RARB: variants seen among roughly 807,000 people sequenced by gnomAD.
RARB encodes the protein HBV-activated protein.
A neutral mutation model predicts 51.9 loss-of-function variants in RARB; 17 were observed. The ratio of observed to expected loss-of-function variants is 0.33; its 90% CI spans 0.22 to 0.49. RARB has a LOEUF of 0.49. RARB is among the 20% of genes least tolerant of loss of function. The probability of loss-of-function intolerance (pLI) is 0.99; values close to 1 mark genes in which losing one functional copy is unlikely to be tolerated. For synonymous variants in RARB, 215 were observed against 195.4 expected, an observed-to-expected ratio of 1.10 and a Z score of -0.84; for missense variants, 369 against 550.8, an observed-to-expected ratio of 0.67 and a Z score of 3.30.
chr3:25,489,138 G>A (rs1696605076), intron 2 of RARB, among the ~76,000 whole-genome samples: 1 of 152,186 alleles, frequency 6.6e-6, no homozygotes, highest in Admixed American at 6.5e-5. Flanking sequence ...GTGCTTAGGT[G>A]GAAGCTATAA....
chr3:24,950,016 C>G (rs896379594), intron 2 of RARB, among the ~76,000 whole-genome samples: 2 of 152,168 alleles, frequency 1.3e-5, no homozygotes, highest in Non-Finnish European at 2.9e-5. Context: ...CAATGTGTAA[C>G]AAAAATATTG....
At chr3:25,268,976 T>C (rs1322198301) in intron 5 of RARB, among the ~76,000 whole-genome samples, 1 of 152,202 alleles carries the variant, frequency 6.6e-6, no homozygotes, top group Non-Finnish European at 1.5e-5. Flanking sequence ...TAGCACATGA[T>C]ATGCACTCAA....
chr3:24,910,033 A>C (rs545323022), intron 2 of RARB, among the ~76,000 whole-genome samples: 1 of 152,172 alleles, frequency 6.6e-6, no homozygotes, highest in Non-Finnish European at 1.5e-5. Context: ...GCTCCTACAT[A>C]CTAGGTATGT....
intron 5 of RARB, among the ~76,000 whole-genome samples, chr3:25,410,823 C>G (rs1265413130): frequency 2.0e-5 from 3 of 152,222 alleles, no homozygotes. Context: ...AGGGCCTCTC[C>G]CCTCCTTCCC....
At chr3:25,563,790 T>A (rs1430006218) in intron 3 of RARB, among the ~76,000 whole-genome samples, 1 of 152,220 alleles carries the variant, frequency 6.6e-6, no homozygotes, top group Non-Finnish European at 1.5e-5. Flanking sequence ...TCACCAACTG[T>A]AACTCATTAT....
At chr3:25,249,330 T>G (rs1173596987) in intron 5 of RARB, among the ~76,000 whole-genome samples, 2 of 152,256 alleles carry the variant, frequency 1.3e-5, no homozygotes, top group South Asian at 4.1e-4. Context: ...CTTATATCCT[T>G]GATTATTTTT....
chr3:25,443,327 C>T (rs1489093438), intron 1 of RARB, among the ~76,000 whole-genome samples: 1 of 152,092 alleles, frequency 6.6e-6, no homozygotes, highest in African/African-American at 2.4e-5. Context: ...CCCTGGGCTA[C>T]TGGCACTTAC....
At chr3:24,993,763 C>G (rs1696963999) in intron 2 of RARB, among the ~76,000 whole-genome samples, 1 of 152,088 alleles carries the variant, frequency 6.6e-6, no homozygotes, top group Non-Finnish European at 1.5e-5. Context: ...TGGTATTTAA[C>G]TCTCTGTTCC....
chr3:24,862,300 T>C (rs184216679), intron 2 of RARB, among the ~76,000 whole-genome samples: 1 of 152,286 alleles, frequency 6.6e-6, no homozygotes, highest in Admixed American at 6.5e-5. Context: ...GATTAAAAAG[T>C]ATAAGGTAGC....
At chr3:25,259,123 A>G (rs1440617910) in intron 5 of RARB, 1 of 949,252 alleles carries the variant, frequency 1.1e-6, no homozygotes, top group African/African-American at 1.8e-5. Flanking sequence ...ACAATAACAC[A>G]CCTCTCAAGA....
At chr3:25,504,431 A>AGCAGGGCATTGCTTTGG (rs1017347180) in intron 3 of RARB, among the ~76,000 whole-genome samples, 5 of 152,280 alleles carry the variant, frequency 3.3e-5, no homozygotes, top group Admixed American at 3.3e-4. Context: ...CATTGCTTTG[A>AGCAGGGCATTGCTTTGG]GCAGGGCATT....
At chr3:24,925,833 T>C (rs1042072295) in intron 2 of RARB, among the ~76,000 whole-genome samples, 2 of 152,058 alleles carry the variant, frequency 1.3e-5, no homozygotes, top group Non-Finnish European at 2.9e-5. Flanking sequence ...TTTCAAGTTA[T>C]TCTATAATCT....
At chr3:25,500,740 A>T (rs1241409144) in intron 2 of RARB, among the ~76,000 whole-genome samples, 2 of 151,874 alleles carry the variant, frequency 1.3e-5, no homozygotes, top group African/African-American at 4.8e-5. Flanking sequence ...CAGCCTCCCA[A>T]AGTGCTGGGA....
At chr3:24,935,662 T>G (rs989883061) in intron 2 of RARB, among the ~76,000 whole-genome samples, 2 of 152,154 alleles carry the variant, frequency 1.3e-5, no homozygotes, top group African/African-American at 4.8e-5. Flanking sequence ...TATGTTAGAG[T>G]AAGACGACTT....
At chr3:25,595,816 C>T (rs1489455603) in intron 7 of RARB, among the ~76,000 whole-genome samples, 3 of 152,150 alleles carry the variant, frequency 2.0e-5, no homozygotes, top group Non-Finnish European at 2.9e-5. Flanking sequence ...CACTGCACAT[C>T]GTGAACTCCT....
chr3:25,026,077 T>C (rs1697742372), intron 2 of RARB, among the ~76,000 whole-genome samples: 1 of 152,170 alleles, frequency 6.6e-6, no homozygotes, highest in Non-Finnish European at 1.5e-5. Context: ...TAAGTTTTCA[T>C]GAGTGCTCTT....
intron 3 of RARB, among the ~76,000 whole-genome samples, chr3:25,509,944 C>A (rs1575473341): frequency 6.6e-6 from 1 of 152,222 alleles, no homozygotes. Flanking sequence ...TCCCTTCTCC[C>A]AACCAACTCC....
intron 2 of RARB, among the ~76,000 whole-genome samples, chr3:25,035,596 T>C (rs1315285159): frequency 6.6e-6 from 1 of 152,148 alleles, no homozygotes; most frequent in Non-Finnish European, 1.5e-5. Flanking sequence ...CCCAAACTCA[T>C]ATTGATGTTG....
In RARB at chr3:25,350,385, T is replaced by C. The variant is rs994391505; in HGVS notation, c.179-110808T>C. Among the ~76,000 whole-genome samples, 4 of 152,278 alleles carry C rather than the reference T, an allele frequency of 2.6e-5. No homozygotes were observed. The East Asian group carries it at 7.7e-4, about 29-fold the overall frequency. ...AGGTTGTTAATCTCAGGATGAACAA[T>C]AGTGCTTCCCAAAGAGGGAATAGTG... On this transcript the variant is annotated intron_variant, in intron 5 of 11. Coordinates refer to the RARB transcript ENST00000383772.
Sources: gnomAD v4.1 joint callset for allele counts (sites outside exome capture counted in the v4.1 genomes callset) on GRCh38, gnomAD v4.1.1 for gene constraint, MANE v1.5 for transcripts, NCBI Gene and HGNC (gene_info 2026-07-23, HGNC 2026-07-21) for gene names.